Variants in CDH12 observed in about 807,000 individuals in gnomAD.
The protein encoded by CDH12 is cadherin 12.
CDH12 carries 41 observed loss-of-function variants against 74.1 expected under a neutral mutation model. The ratio of observed to expected loss-of-function variants is 0.55; its 90% confidence interval spans 0.43 to 0.72. The LOEUF (loss-of-function observed/expected upper bound fraction) is 0.72, where lower values mean the gene tolerates loss of function less well. Among genes scored for constraint, CDH12 ranks in the 30% least tolerant of loss-of-function variants. CDH12 has a pLI of 0.00. For synonymous variants in CDH12, 399 were observed against 355.0 expected (o/e 1.12, Z -1.39); for missense variants, 945 against 977.2 (o/e 0.97, Z 0.44).
chr5:22,361,967 C>A (rs1169095368), intron 3 of CDH12, among the ~76,000 whole-genome samples: 1 of 152,014 alleles, frequency 6.6e-6, no homozygotes, highest in Non-Finnish European at 1.5e-5. Context: ...GACCTAAAAC[C>A]ATAAAAACCC....
chr5:21,842,708 T>G (rs1284176172), intron 7 of CDH12, among the ~76,000 whole-genome samples: 2 of 152,192 alleles, frequency 1.3e-5, no homozygotes, highest in Admixed American at 1.3e-4. Context: ...GCGAAGTGGT[T>G]GAAATGAGTA....
chr5:22,553,930 A>G (rs1738684766), intron 1 of CDH12, among the ~76,000 whole-genome samples: 1 of 151,840 alleles, frequency 6.6e-6, no homozygotes, highest in African/African-American at 2.4e-5. Context: ...GTATAAACAT[A>G]AAAGAATACA....
intron 2 of CDH12, among the ~76,000 whole-genome samples, chr5:22,416,060 CTTTTTTTTTTTTTT>C (rs58606764): frequency 1.5e-5 from 1 of 65,122 alleles, no homozygotes; most frequent in Non-Finnish European, 2.5e-5. Flanking sequence ...ACTTGTAGGT[CTTTTTTTTTTTTTT>C]TTTTTTTTTT....
intron 6 of CDH12, among the ~76,000 whole-genome samples, chr5:21,920,278 CTT>C (rs764673544): frequency 1.9e-4 from 29 of 152,244 alleles, no homozygotes; most frequent in Non-Finnish European, 1.6e-4. Flanking sequence ...ATGTAAAACA[CTT>C]TACCAATTAC....
chr5:22,102,613 C>T (rs544644875), intron 4 of CDH12, among the ~76,000 whole-genome samples: 2 of 151,942 alleles, frequency 1.3e-5, no homozygotes, highest in Admixed American at 6.6e-5. Context: ...AGGTTGCAGT[C>T]ATCGCGTCAC....
Position 22,082,194 on chromosome 5 carries a change from T to A in CDH12, c.-186-3332A>T, listed in dbSNP as rs1297669417. On this transcript the variant is annotated intron_variant, in intron 4 of 14. Coordinates refer to ENST00000382254, the MANE Select transcript of CDH12 (RefSeq NM_004061.5). Reference sequence around the variant, plus strand: ...TTCTTTTTCATTCTTCACAATTTCATGGAGAGGTTTATTCTTACCATAGCA... The same window carrying A: ...TTCTTTTTCATTCTTCACAATTTCAAGGAGAGGTTTATTCTTACCATAGCA... 2.6e-5 allele frequency among the ~76,000 whole-genome samples: 4 copies of A among 152,162 alleles called. No homozygotes were observed. In the East Asian group the frequency reaches 7.7e-4, roughly 29 times the overall value.
Position 22,185,533 on chromosome 5 carries a change from T to C in CDH12, c.-187+26965A>G, listed in dbSNP as rs534289817. The stretch of plus-strand genomic sequence containing the variant: ...TGGGAGAAATAGAAATTGTGTACCA[T>C]AGAATCAAAGACTTTTACCTTGCCA... On this transcript the variant is annotated intron_variant, in intron 4 of 14. Coordinates refer to ENST00000382254, the MANE Select transcript of CDH12 (RefSeq NM_004061.5). Among the ~76,000 whole-genome samples, 32 of 152,340 alleles carry C rather than the reference T, an allele frequency of 2.1e-4. No individual in the cohort carries two copies. In the East Asian group the frequency reaches 2.7e-3, roughly 13 times the overall value.
chr5:21,755,628 C>T lies in CDH12; in HGVS notation c.1848G>A (p.Ala616=), dbSNP rs139945013. Residue 616 remains alanine, a synonymous_variant, in exon 14 of 15, where the codon GCG becomes GCA. Transcript: ENST00000382254. Reference sequence around the variant, plus strand: ...CAATGCATAGTAGAATTGCAATCAACGCCCCAGTGCTAAGTCCTACAGGTA... The same window carrying T: ...CAATGCATAGTAGAATTGCAATCAATGCCCCAGTGCTAAGTCCTACAGGTA... ...IFLPVGLSTG[A]LIAILLCIVI... The T allele has an allele frequency of 9.9e-5, 160 of 1,613,732 alleles. 1 individual carries two copies. The highest frequency in any genetic ancestry group is 6.9e-4 in the African/African-American group (52 of 74,890).
intron 4 of CDH12, chr5:22,142,374 T>C: frequency 2.1e-6 from 1 of 476,162 alleles, no homozygotes; most frequent in East Asian, 5.2e-5. Context: ...AATGGGATTA[T>C]GCTGTCACAA....
At chr5:22,372,150 T>C (rs1456622079) in intron 3 of CDH12, among the ~76,000 whole-genome samples, 2 of 152,136 alleles carry the variant, frequency 1.3e-5, no homozygotes, top group African/African-American at 2.4e-5. Context: ...TTAAGATTTC[T>C]AGAGGAGGGA....
intron 5 of CDH12, among the ~76,000 whole-genome samples, chr5:22,028,374 C>G (rs967160522): frequency 6.6e-6 from 1 of 152,034 alleles, no homozygotes; most frequent in African/African-American, 2.4e-5. Flanking sequence ...ATTGTCTCAG[C>G]CCAAAATCTC....
chr5:21,837,506 C>T (rs1303911516), intron 8 of CDH12, among the ~76,000 whole-genome samples: 5 of 148,868 alleles, frequency 3.4e-5, no homozygotes, highest in African/African-American at 7.4e-5. Flanking sequence ...TTAAGAGTCA[C>T]GAACAAATAT....
At position 22,191,570 on chromosome 5, in the gene CDH12, T is replaced by A. The variant is rs1048076809; in HGVS notation, c.-187+20928A>T. ...ACCAATGGTCTTTTTATTTTTATTT[T>A]TTTTTTTTTTTTGAGACGGAGTCTC... On this transcript the variant is annotated intron_variant, in intron 4 of 14. Coordinates refer to ENST00000382254, the MANE Select transcript of CDH12 (RefSeq NM_004061.5). 2.7e-4 allele frequency among the ~76,000 whole-genome samples: 37 copies of A among 136,620 alleles called. 1 individual carries two copies. The highest frequency in any genetic ancestry group is 9.8e-4 in the African/African-American group (35 of 35,670). The allele number at this position is 136,620 out of a possible 152,430, so 89.6% of individuals were successfully genotyped here.
intron 6 of CDH12, chr5:21,882,726 C>G (rs528337971): frequency 8.3e-6 from 13 of 1,557,206 alleles, no homozygotes; most frequent in African/African-American, 6.8e-5. Flanking sequence ...GTAGGTAGAC[C>G]TTTTAGCCGA....
At chr5:22,713,961 T>C (rs1402251682) in intron 1 of CDH12, among the ~76,000 whole-genome samples, 1 of 152,228 alleles carries the variant, frequency 6.6e-6, no homozygotes, top group Non-Finnish European at 1.5e-5. Flanking sequence ...TAGGTATTAA[T>C]TCAATGTTAA....
chr5:22,804,889 G>C lies in CDH12; in HGVS notation c.-523+48169C>G, dbSNP rs554671955. 4.3e-4 allele frequency among the ~76,000 whole-genome samples: 66 copies of C among 152,226 alleles called. 1 individual carries two copies. Among genetic ancestry groups the C allele is most frequent in the Middle Eastern group, 3.4e-3 (1 of 294 alleles). ...AAGAGCCATTGAGTTTTAACTTCTTGAGTAAAGTAATGCAAAGCAAAGTAA... is the reference window on the plus strand; with the variant it reads ...AAGAGCCATTGAGTTTTAACTTCTTCAGTAAAGTAATGCAAAGCAAAGTAA... On this transcript the variant is annotated intron_variant, in intron 1 of 14. Transcript: ENST00000382254.
chr5:22,663,304 C>T (rs1157678287), intron 1 of CDH12, among the ~76,000 whole-genome samples: 1 of 152,158 alleles, frequency 6.6e-6, no homozygotes, highest in Non-Finnish European at 1.5e-5. Context: ...TCACATCATG[C>T]TCCCGAGGAG....
chr5:22,786,491 A>G (rs1747631609), intron 1 of CDH12, among the ~76,000 whole-genome samples: 1 of 152,134 alleles, frequency 6.6e-6, no homozygotes, highest in South Asian at 2.1e-4. Context: ...CTGAAATTCC[A>G]GTAGTTGTGG....
At chr5:22,665,027 T>G (rs1439220960) in intron 1 of CDH12, among the ~76,000 whole-genome samples, 1 of 152,162 alleles carries the variant, frequency 6.6e-6, no homozygotes, top group Non-Finnish European at 1.5e-5. Context: ...TGATCATAAA[T>G]TACTATGGTC....
Sources: allele counts gnomAD v4.1 joint callset (sites outside exome capture counted in the v4.1 genomes callset), GRCh38; gene constraint gnomAD v4.1.1; transcripts MANE v1.5; gene names NCBI Gene and HGNC (gene_info 2026-07-23, HGNC 2026-07-21).